CDH13: variants seen among roughly 807,000 people sequenced by gnomAD.
CDH13 encodes the protein cadherin-13.
Under a neutral mutation model 63.8 loss-of-function variants are expected in CDH13, and 24 were observed. That is an observed-to-expected ratio of 0.38 (90% confidence interval 0.27 to 0.53). The LOEUF (loss-of-function observed/expected upper bound fraction) is 0.53, where lower values mean the gene tolerates loss of function less well. Ranked by LOEUF, CDH13 falls within the 20% of genes least tolerant of loss-of-function variation. The pLI, the probability that CDH13 is intolerant of heterozygous loss-of-function variation, is 0.85. For synonymous variants in CDH13, 503 were observed against 355.3 expected (o/e 1.42, Z -4.67); for missense variants, 1,049 against 903.1 (o/e 1.16, Z -2.07).
Position 83,678,424 on chromosome 16 carries a change from G to A in CDH13, c.1501G>A (p.Ala501Thr). ...GGGCAGCGTGCTGCTGACAGTGAAT[G>A]CCACGGACCCCGACTCCCTGCAGCA... ...SVGSVLLTVN[A>T]TDPDSLQHQT... Residue 501 changes from alanine (A) to threonine (T), a missense_variant, in exon 10 of 14, where the codon GCC becomes ACC. By Grantham distance (58) the Ala-to-Thr change is moderately conservative. Transcript: ENST00000567109. 2.5e-6 allele frequency: 4 copies of A among 1,613,978 alleles called. No homozygotes were observed. Among genetic ancestry groups the A allele is most frequent in the Non-Finnish European group, 3.4e-6 (4 of 1,179,892 alleles).
rs1307796836 is a variant in CDH13 at position 83,155,074 on chromosome 16, C to T, written c.483+29573C>T. Among the ~76,000 whole-genome samples, 10 of 152,348 alleles carry T rather than the reference C, an allele frequency of 6.6e-5. No homozygotes were observed. The South Asian group carries it at 2.1e-3, about 32-fold the overall frequency. On this transcript the variant is annotated intron_variant, in intron 4 of 13. Transcript: ENST00000567109. ...AGTTATATTAGAAGGAAGAAAACCA[C>T]TTCTGTGGGAACAGTCAAATTTATT...
At chr16:82,938,324 C>G (rs566174141) in intron 2 of CDH13, among the ~76,000 whole-genome samples, 2 of 152,246 alleles carry the variant, frequency 1.3e-5, no homozygotes, top group Admixed American at 6.5e-5. Context: ...AGCTTCCTGG[C>G]GATTTGACTT....
At chr16:82,970,939 T>A (rs1230881348) in intron 2 of CDH13, among the ~76,000 whole-genome samples, 1 of 152,204 alleles carries the variant, frequency 6.6e-6, no homozygotes, top group Non-Finnish European at 1.5e-5. Context: ...TTTAAAATAT[T>A]TGTTGAATGT....
At chr16:83,374,549 T>C (rs1195199742) in intron 6 of CDH13, among the ~76,000 whole-genome samples, 1 of 152,242 alleles carries the variant, frequency 6.6e-6, no homozygotes, top group African/African-American at 2.4e-5. Context: ...GGTTGTGCAT[T>C]GTACATTGTC....
At chr16:83,731,707 G>T (rs1018219105) in intron 10 of CDH13, among the ~76,000 whole-genome samples, 4 of 152,176 alleles carry the variant, frequency 2.6e-5, no homozygotes, top group Admixed American at 2.6e-4. Flanking sequence ...AGGTCAATGT[G>T]CAGAATGCTA....
intron 8 of CDH13, among the ~76,000 whole-genome samples, chr16:83,662,703 A>G (rs1289595014): frequency 6.6e-6 from 1 of 152,234 alleles, no homozygotes; most frequent in African/African-American, 2.4e-5. Context: ...GAAAACATCT[A>G]TGAAACCCAA....
chr16:83,761,331 A>G (rs1913951971), intron 11 of CDH13, among the ~76,000 whole-genome samples: 1 of 152,258 alleles, frequency 6.6e-6, no homozygotes, highest in Non-Finnish European at 1.5e-5. Flanking sequence ...GTTGTAACCA[A>G]CAGAATATTC....
At chr16:83,188,671 T>C (rs2038602745) in intron 4 of CDH13, among the ~76,000 whole-genome samples, 1 of 152,230 alleles carries the variant, frequency 6.6e-6, no homozygotes, top group Non-Finnish European at 1.5e-5. Context: ...TGGAATTTCT[T>C]ATTGTATCAG....
chr16:83,375,206 G>A (rs575326271), intron 6 of CDH13, among the ~76,000 whole-genome samples: 37 of 152,116 alleles, frequency 2.4e-4, no homozygotes, highest in Non-Finnish European at 5.0e-4. Context: ...AGTTACTTGC[G>A]ATCTGTTTAC....
At chr16:83,732,400 C>A (rs6563973) in intron 10 of CDH13, among the ~76,000 whole-genome samples, 1 of 151,990 alleles carries the variant, frequency 6.6e-6, no homozygotes, top group African/African-American at 2.4e-5. Context: ...TAGCTTTGGA[C>A]TGGGGAACAG....
intron 1 of CDH13, among the ~76,000 whole-genome samples, chr16:82,794,882 A>T (rs1230169127): frequency 6.6e-6 from 1 of 152,130 alleles, no homozygotes; most frequent in African/African-American, 2.4e-5. Context: ...TACCTCCCTC[A>T]CTGGCACAAA....
chr16:83,497,271 A>T (rs1207952546), intron 7 of CDH13, among the ~76,000 whole-genome samples: 1 of 152,082 alleles, frequency 6.6e-6, no homozygotes, highest in East Asian at 1.9e-4. Context: ...CAAATGTCCA[A>T]CAATGATAGA....
intron 2 of CDH13, among the ~76,000 whole-genome samples, chr16:82,907,409 G>A (rs2041685692): frequency 6.6e-6 from 1 of 152,018 alleles, no homozygotes; most frequent in African/African-American, 2.4e-5. Context: ...AAAAACTACT[G>A]TTTAGGGAGA....
chr16:83,179,757 A>C (rs1296221036), intron 4 of CDH13, among the ~76,000 whole-genome samples: 1 of 152,182 alleles, frequency 6.6e-6, no homozygotes, highest in Non-Finnish European at 1.5e-5. Flanking sequence ...CTGGAATTGC[A>C]GTCTTTTCCA....
intron 3 of CDH13, among the ~76,000 whole-genome samples, chr16:83,115,232 G>A (rs2035237916): frequency 6.6e-6 from 1 of 152,210 alleles, no homozygotes; most frequent in South Asian, 2.1e-4. Context: ...CTTGGGATGA[G>A]TCTTTTACAT....
At chr16:83,056,457 T>C (rs1335181985) in intron 3 of CDH13, among the ~76,000 whole-genome samples, 2 of 150,898 alleles carry the variant, frequency 1.3e-5, no homozygotes, top group Non-Finnish European at 3.0e-5. Flanking sequence ...ATATACCAAA[T>C]ACATAGCAAA....
chr16:83,403,423 A>T (rs1426616776), intron 6 of CDH13, among the ~76,000 whole-genome samples: 1 of 152,108 alleles, frequency 6.6e-6, no homozygotes, highest in Non-Finnish European at 1.5e-5. Context: ...GGAGATCGAG[A>T]GCATCCTGGC....
chr16:83,765,539 TATA>T (rs1597199785), intron 11 of CDH13, among the ~76,000 whole-genome samples: 1 of 5,368 alleles, frequency 1.9e-4, no homozygotes, highest in East Asian at 3.2e-3. Context: ...AACATTTTTC[TATA>T]TATATATATA....
intron 1 of CDH13, among the ~76,000 whole-genome samples, chr16:82,827,002 T>C (rs9935736): frequency 1.3e-5 from 2 of 152,214 alleles, no homozygotes; most frequent in Admixed American, 1.3e-4. Flanking sequence ...GAAGAATTCA[T>C]CCAGCCCCTG....
Sources: allele counts gnomAD v4.1 joint callset (sites outside exome capture counted in the v4.1 genomes callset), GRCh38; gene constraint gnomAD v4.1.1; transcripts MANE v1.5; gene names NCBI Gene and HGNC (gene_info 2026-07-23, HGNC 2026-07-21).